KHDRBS3: variants seen among roughly 807,000 people sequenced by gnomAD.
KHDRBS3 encodes KH RNA binding domain containing, signal transduction associated 3.
KHDRBS3 carries 23 observed loss-of-function variants against 45.6 expected under a neutral mutation model. That is an observed-to-expected ratio of 0.50 (90% CI 0.36 to 0.72). KHDRBS3 has a LOEUF of 0.72. Among genes scored for constraint, KHDRBS3 ranks in the 30% least tolerant of loss-of-function variants. The pLI is 0.00. For missense variants in KHDRBS3, 352 were observed against 424.8 expected, an observed-to-expected ratio of 0.83 and a Z score of 1.51; for synonymous variants, 162 against 156.5, an observed-to-expected ratio of 1.04 and a Z score of -0.26.
At chr8:135,632,993 T>A (rs1286788121) in intron 7 of KHDRBS3, among the ~76,000 whole-genome samples, 2 of 152,224 alleles carry the variant, frequency 1.3e-5, no homozygotes, top group South Asian at 2.1e-4. Flanking sequence ...GAGAGAGTTC[T>A]CTGACTAAAC....
chr8:135,645,032 C>A, intron 7 of KHDRBS3, 27 bp from the exon 8 acceptor site: 1 of 1,609,166 alleles, frequency 6.2e-7, no homozygotes, highest in Non-Finnish European at 8.5e-7. Flanking sequence ...ATGATTTTGT[C>A]CTTTGTTTTG....
intron 7 of KHDRBS3, among the ~76,000 whole-genome samples, chr8:135,638,485 T>G (rs1358330003): frequency 6.6e-6 from 1 of 152,190 alleles, no homozygotes. Context: ...TATCTAAAAT[T>G]TATAAAGCAT....
At chr8:135,462,054 T>C (rs565295942) in intron 1 of KHDRBS3, among the ~76,000 whole-genome samples, 24 of 152,162 alleles carry the variant, frequency 1.6e-4, no homozygotes, top group Admixed American at 5.9e-4. Context: ...GGGACCCCTT[T>C]TGGAAAACAT....
chr8:135,652,944 T>C (rs1461210794), intron 4 of KHDRBS3, among the ~76,000 whole-genome samples: 1 of 152,248 alleles, frequency 6.6e-6, no homozygotes, highest in African/African-American at 2.4e-5. Context: ...CAGGACAATG[T>C]ACTAGGTCTT....
intron 1 of KHDRBS3, among the ~76,000 whole-genome samples, chr8:135,497,792 A>G (rs1020647070): frequency 6.6e-6 from 1 of 152,146 alleles, no homozygotes; most frequent in Admixed American, 6.5e-5. Context: ...CCCTTTTACA[A>G]ATGAATAAAG....
intron 4 of KHDRBS3, among the ~76,000 whole-genome samples, chr8:135,653,125 G>A (rs1382817434): frequency 6.6e-6 from 1 of 152,198 alleles, no homozygotes; most frequent in African/African-American, 2.4e-5. Flanking sequence ...CAAGGAGATA[G>A]AATAAACAAA....
At chr8:135,528,455 A>T (rs1440918302) in intron 2 of KHDRBS3, among the ~76,000 whole-genome samples, 1 of 152,202 alleles carries the variant, frequency 6.6e-6, no homozygotes, top group Non-Finnish European at 1.5e-5. Flanking sequence ...GATATGTTAA[A>T]TGTTGCCATT....
At chr8:135,620,767 A>G (rs1003596118) in intron 7 of KHDRBS3, among the ~76,000 whole-genome samples, 1 of 152,118 alleles carries the variant, frequency 6.6e-6, no homozygotes, top group African/African-American at 2.4e-5. Context: ...TCCTCACCTC[A>G]CATCCCATTC....
chr8:135,576,146 C>G (rs765167634), intron 5 of KHDRBS3, among the ~76,000 whole-genome samples: 3 of 152,218 alleles, frequency 2.0e-5, no homozygotes, highest in Non-Finnish European at 2.9e-5. Context: ...TTTGCCACAT[C>G]ATATCAAGTA....
At chr8:135,578,767 G>A (rs1428600145) in intron 5 of KHDRBS3, among the ~76,000 whole-genome samples, 1 of 152,120 alleles carries the variant, frequency 6.6e-6, no homozygotes, top group Non-Finnish European at 1.5e-5. Context: ...CACTTGCTGA[G>A]ATTTTGATTA....
rs190333505 is a variant in KHDRBS3, at chr8:135,616,266, T to G, written c.890+9229T>G. Among the ~76,000 whole-genome samples, 15 of 152,304 alleles carry G rather than the reference T, an allele frequency of 9.8e-5. No individual in the cohort carries two copies. The East Asian group carries it at 2.7e-3, about 27-fold the overall frequency. On this transcript the variant is annotated intron_variant, in intron 7 of 8. Coordinates refer to ENST00000355849, the MANE Select transcript of KHDRBS3 (RefSeq NM_006558.3). ...GCTAATTCATATCAGTTAGTCCTCA[T>G]ACTGTTCTCTTTGAGATCAAGCTTA... is the stretch of plus-strand genomic sequence containing the variant.
At chr8:135,549,019 A>C (rs1477421545) in intron 4 of KHDRBS3, 119 bp downstream of exon 4, 1 of 576,050 alleles carries the variant, frequency 1.7e-6, no homozygotes, top group Admixed American at 3.9e-5. Context: ...AGCTGTATGG[A>C]CATCACCTCA....
intron 2 of KHDRBS3, among the ~76,000 whole-genome samples, chr8:135,530,017 A>G (rs915813429): frequency 2.0e-5 from 3 of 150,850 alleles, no homozygotes; most frequent in South Asian, 2.1e-4. Context: ...GTGCCACTGC[A>G]CTCCAGCCTG....
chr8:135,464,668 C>T (rs1326335240), intron 1 of KHDRBS3, among the ~76,000 whole-genome samples: 1 of 152,190 alleles, frequency 6.6e-6, no homozygotes, highest in African/African-American at 2.4e-5. Context: ...ATGATAGTAG[C>T]TACCATTTAT....
chr8:135,501,846 A>G (rs1332962715), intron 1 of KHDRBS3, among the ~76,000 whole-genome samples: 1 of 152,116 alleles, frequency 6.6e-6, no homozygotes, highest in African/African-American at 2.4e-5. Context: ...TTGTATAGTA[A>G]TTCTCGCTTT....
chr8:135,588,362 C>T (rs1404697063), intron 6 of KHDRBS3, among the ~76,000 whole-genome samples: 1 of 152,170 alleles, frequency 6.6e-6, no homozygotes, highest in Non-Finnish European at 1.5e-5. Context: ...AGGCAGCCAC[C>T]CTCGCGCGGC....
chr8:135,529,768 T>C (rs1364618342), intron 2 of KHDRBS3, among the ~76,000 whole-genome samples: 2 of 152,134 alleles, frequency 1.3e-5, no homozygotes, highest in Non-Finnish European at 2.9e-5. Context: ...ATTTAGAAAT[T>C]AAAGTGTGTG....
chr8:135,631,959 C>T (rs997068796), intron 7 of KHDRBS3, among the ~76,000 whole-genome samples: 3 of 152,128 alleles, frequency 2.0e-5, no homozygotes, highest in South Asian at 4.1e-4. Context: ...ACGGCTACAG[C>T]GATAGAAATA....
chr8:135,470,137 C>G (rs986023901), intron 1 of KHDRBS3, among the ~76,000 whole-genome samples: 1 of 152,156 alleles, frequency 6.6e-6, no homozygotes, highest in Non-Finnish European at 1.5e-5. Context: ...GCTCCTTTCT[C>G]TAGAATCCAA....
Sources: gnomAD v4.1 joint callset for allele counts (sites outside exome capture counted in the v4.1 genomes callset) on GRCh38, gnomAD v4.1.1 for gene constraint, MANE v1.5 for transcripts, NCBI Gene and HGNC (gene_info 2026-07-23, HGNC 2026-07-21) for gene names.